TNRC6C: variants seen among roughly 807,000 people sequenced by gnomAD.
TNRC6C encodes the protein trinucleotide repeat-containing gene 6C protein.
TNRC6C carries 20 observed loss-of-function variants against 153.7 expected under a neutral mutation model. That is an observed-to-expected ratio of 0.13 (90% CI 0.09 to 0.19). TNRC6C has a LOEUF of 0.19. Ranked by LOEUF, TNRC6C falls within the 10% of genes least tolerant of loss-of-function variation. The probability of loss-of-function intolerance (pLI) is 1.00; values close to 1 mark genes in which losing one functional copy is unlikely to be tolerated. For synonymous variants in TNRC6C, 811 were observed against 841.4 expected (o/e 0.96, Z 0.63); for missense variants, 1,987 against 2,172.0 (o/e 0.91, Z 1.69).
chr17:78,065,485 C>A (rs4789012), intron 4 of TNRC6C, among the ~76,000 whole-genome samples: 71,708 of 151,982 alleles, frequency 0.47, 18,520 homozygotes, highest in African/African-American at 0.69. Context: ...AAAGCAACCC[C>A]GCATATTATG....
chr17:78,043,202 C>T (rs1260177767), intron 2 of TNRC6C, among the ~76,000 whole-genome samples: 4 of 152,146 alleles, frequency 2.6e-5, no homozygotes, highest in African/African-American at 9.7e-5. Context: ...GCAGCTGCAG[C>T]CTGAAACTTC....
chr17:78,060,365 T>G (rs533201289), intron 3 of TNRC6C, among the ~76,000 whole-genome samples: 65 of 151,774 alleles, frequency 4.3e-4, no homozygotes, highest in Non-Finnish European at 7.1e-4. Context: ...TTGGTATGAG[T>G]AAAAAATCTC....
chr17:78,042,659 ATGG>A (rs1195564023), intron 2 of TNRC6C, among the ~76,000 whole-genome samples: 2 of 150,626 alleles, frequency 1.3e-5, no homozygotes, highest in East Asian at 2.0e-4. Context: ...ATATGTGGTG[ATGG>A]TGGTGATGAT....
At chr17:77,958,134 G>C (rs2070823393), upstream of TNRC6C, among the ~76,000 whole-genome samples, 1 of 151,894 alleles carries the variant, frequency 6.6e-6, no homozygotes, top group Non-Finnish European at 1.5e-5. Context: ...CGTGTGCACG[G>C]CACGGGCGAG....
intron 4 of TNRC6C, among the ~76,000 whole-genome samples, chr17:78,065,376 A>G (rs1372886780): frequency 1.3e-5 from 2 of 152,034 alleles, no homozygotes; most frequent in Non-Finnish European, 1.5e-5. Context: ...AAAAGCCAAG[A>G]TTATAAAATA....
At chr17:78,054,695 T>G (rs4789525) in intron 3 of TNRC6C, among the ~76,000 whole-genome samples, 1 of 151,542 alleles carries the variant, frequency 6.6e-6, no homozygotes, top group East Asian at 1.9e-4. Flanking sequence ...CAGACTACTG[T>G]AGACTACTAT....
upstream of TNRC6C, among the ~76,000 whole-genome samples, chr17:77,958,422 C>T (rs1340685576): frequency 6.6e-6 from 1 of 151,846 alleles, no homozygotes; most frequent in Non-Finnish European, 1.5e-5. Flanking sequence ...CGCTCGCACC[C>T]CGGCGCGCTC....
chr17:77,973,196 A>G (rs1487438787), intron 1 of TNRC6C, among the ~76,000 whole-genome samples: 1 of 152,180 alleles, frequency 6.6e-6, no homozygotes, highest in Non-Finnish European at 1.5e-5. Flanking sequence ...GTGAGCCACT[A>G]CGCCTGGGCA....
intron 13 of TNRC6C, among the ~76,000 whole-genome samples, chr17:78,090,593 C>T (rs2073376094): frequency 6.6e-6 from 1 of 152,200 alleles, no homozygotes; most frequent in Admixed American, 6.5e-5. Context: ...AACTAGTGTC[C>T]TCATCAGAAA....
At chr17:77,987,969 C>T (rs1219617210) in intron 1 of TNRC6C, among the ~76,000 whole-genome samples, 5 of 152,064 alleles carry the variant, frequency 3.3e-5, no homozygotes, top group Admixed American at 6.5e-5. Context: ...TGTGAGCCAC[C>T]GTGCCCGGCC....
Position 78,031,509 on chromosome 17 carries a change from A to T in TNRC6C, c.-545-7A>T, listed in dbSNP as rs1598711693. 1.6e-6 allele frequency: 2 copies of T among 1,232,090 alleles called. No homozygotes were observed. Among genetic ancestry groups the T allele is most frequent in the East Asian group, 6.3e-5 (2 of 31,714 alleles). 76.3% of individuals were successfully genotyped at this position (1,232,090 alleles called of 1,614,324 possible). A position where few individuals can be genotyped will look rare whatever the true frequency, so the allele number is the denominator to read the frequency against. The stretch of plus-strand genomic sequence containing the variant: ...TTTTGGGTTCTTTTGCCTTTCATTC[A>T]TTTTAGTGCCAGAACCTACTAAGAC... On this transcript the variant is annotated splice_region_variant and splice_polypyrimidine_tract_variant and intron_variant, in intron 1 of 19. Coordinates refer to ENST00000301624, the Ensembl canonical transcript of TNRC6C.
chr17:78,100,873 TC>T (rs570057963), intron 17 of TNRC6C, among the ~76,000 whole-genome samples: 97 of 150,002 alleles, frequency 6.5e-4, no homozygotes, highest in South Asian at 1.1e-3. Context: ...CCTCCCAGGT[TC>T]AAGTGATTCT....
intron 2 of TNRC6C, among the ~76,000 whole-genome samples, chr17:78,032,774 C>T (rs1212461638): frequency 6.6e-6 from 1 of 152,074 alleles, no homozygotes; most frequent in Non-Finnish European, 1.5e-5. Flanking sequence ...TCTAGCATGA[C>T]GTAGAAGTAT....
chr17:78,087,938 G>A (rs920657719), intron 13 of TNRC6C, among the ~76,000 whole-genome samples: 5 of 152,176 alleles, frequency 3.3e-5, no homozygotes, highest in Admixed American at 1.3e-4. Flanking sequence ...CTAATTTGCC[G>A]TAAGAATTCA....
chr17:78,064,760 A>G, exon 4 of TNRC6C: 1 of 1,613,850 alleles, frequency 6.2e-7, no homozygotes, highest in Non-Finnish European at 8.5e-7. Context: ...TGTTCACTCA[A>G]AGACTGAAAA....
At chr17:78,103,841 C>G (rs1275248142) in intron 19 of TNRC6C, among the ~76,000 whole-genome samples, 2 of 152,194 alleles carry the variant, frequency 1.3e-5, no homozygotes, top group African/African-American at 2.4e-5. Context: ...TATAAGGACA[C>G]CAGTCCTGTT....
At chr17:77,961,478 A>G (rs927637415) in intron 1 of TNRC6C, among the ~76,000 whole-genome samples, 15 of 150,410 alleles carry the variant, frequency 1.0e-4, no homozygotes, top group African/African-American at 3.8e-4. Flanking sequence ...AAGGTATGAA[A>G]TTAAATACGG....
chr17:77,960,410 C>A (rs1344193233), intron 1 of TNRC6C, among the ~76,000 whole-genome samples: 1 of 152,264 alleles, frequency 6.6e-6, no homozygotes, highest in Middle Eastern at 3.4e-3. Context: ...TTATGGTGAT[C>A]GCTGTGAGAG....
At chr17:77,964,320 A>G (rs760923021) in intron 1 of TNRC6C, among the ~76,000 whole-genome samples, 2 of 152,280 alleles carry the variant, frequency 1.3e-5, no homozygotes, top group East Asian at 1.9e-4. Context: ...CTACAAACCT[A>G]TAGTATCACA....
Sources: allele counts gnomAD v4.1 joint callset (sites outside exome capture counted in the v4.1 genomes callset), GRCh38; gene constraint gnomAD v4.1.1; transcripts MANE v1.5; gene names NCBI Gene and HGNC (gene_info 2026-07-23, HGNC 2026-07-21).